The following MOK variants were observed in gnomAD, a reference collection of about 807,000 sequenced individuals.
The protein encoded by MOK is MOK protein kinase.
A neutral mutation model predicts 54.2 loss-of-function variants in MOK; 59 were observed. That is an observed-to-expected ratio of 1.09 (90% CI 0.88 to 1.35). The LOEUF (loss-of-function observed/expected upper bound fraction) is 1.35. Ranked by LOEUF, MOK falls within the 40% of genes most tolerant of loss-of-function variation. The pLI is 0.00. For synonymous variants in MOK, 210 were observed against 202.7 expected (o/e 1.04, Z -0.31); for missense variants, 517 against 526.2 (o/e 0.98, Z 0.17).
chr14:102,247,012 G>C (rs926526235), intron 7 of MOK, among the ~76,000 whole-genome samples: 4 of 151,942 alleles, frequency 2.6e-5, no homozygotes, highest in African/African-American at 9.7e-5. Context: ...CAAAAACTCA[G>C]AGTACTGCAA....
chr14:102,241,802 G>C (rs1374762667), intron 7 of MOK, among the ~76,000 whole-genome samples: 1 of 152,212 alleles, frequency 6.6e-6, no homozygotes, highest in African/African-American at 2.4e-5. Context: ...TCCACTGTGA[G>C]ACAAACCCCA....
At chr14:102,243,403 G>A (rs140455387) in intron 7 of MOK, among the ~76,000 whole-genome samples, 359 of 152,206 alleles carry the variant, frequency 2.4e-3, no homozygotes, top group Admixed American at 4.2e-3. Flanking sequence ...CACAAGAGCC[G>A]GGACCGTGCC....
chr14:102,302,216 G>GCACCTGCCAC (rs2072297545), intron 1 of MOK, among the ~76,000 whole-genome samples: 1 of 150,176 alleles, frequency 6.7e-6, no homozygotes, highest in Admixed American at 6.7e-5. Flanking sequence ...GGGATTACAG[G>GCACCTGCCAC]CACCTGCCAC....
intron 2 of MOK, among the ~76,000 whole-genome samples, chr14:102,276,033 A>G (rs945030102): frequency 1.3e-5 from 2 of 152,210 alleles, no homozygotes; most frequent in Non-Finnish European, 2.9e-5. Context: ...GTACATGATC[A>G]AGTGTTTATC....
chr14:102,242,127 A>G (rs1250563532), intron 7 of MOK, among the ~76,000 whole-genome samples: 6 of 152,286 alleles, frequency 3.9e-5, no homozygotes, highest in African/African-American at 1.4e-4. Context: ...ATTGCCTCGG[A>G]AGCCTCCTGG....
chr14:102,256,871 G>A (rs2067004578), intron 4 of MOK, among the ~76,000 whole-genome samples: 1 of 152,106 alleles, frequency 6.6e-6, no homozygotes, highest in African/African-American at 2.4e-5. Context: ...GATGGCATGA[G>A]CCCAGAGCCA....
At chr14:102,237,404 C>T (rs2065319856) in intron 7 of MOK, among the ~76,000 whole-genome samples, 1 of 152,188 alleles carries the variant, frequency 6.6e-6, no homozygotes, top group Non-Finnish European at 1.5e-5. Context: ...GGGACCCGGG[C>T]TATGACCCCT....
At chr14:102,226,221 C>CGA (rs1304216101), downstream of MOK, 1 of 638,012 alleles carries the variant, frequency 1.6e-6, no homozygotes, top group African/African-American at 1.8e-5. This position sits in a 1 kb window ranked among gnomAD's most constrained non-coding sequence, Gnocchi z 4.8. Flanking sequence ...ACTGGGCTCC[C>CGA]CTGTGCTTCT....
At chr14:102,274,247 G>A (rs1041282887) in intron 2 of MOK, among the ~76,000 whole-genome samples, 8 of 143,648 alleles carry the variant, frequency 5.6e-5, no homozygotes, top group African/African-American at 1.3e-4. Flanking sequence ...GTGAGCCACC[G>A]TACCTGCATT....
downstream of MOK, chr14:102,222,753 T>G: frequency 2.6e-6 from 4 of 1,535,896 alleles, no homozygotes; most frequent in East Asian, 6.7e-5. The surrounding 1 kb of genome is among the most constrained non-coding windows in gnomAD (Gnocchi z 4.4). Context: ...CACGTGGAGC[T>G]GCTGGCGGAG....
Position 102,280,410 on chromosome 14 carries a change from T to C in MOK, c.122+3068A>G, listed in dbSNP as rs1191938788. On this transcript the variant is annotated intron_variant, in intron 2 of 11. Transcript: ENST00000361847. ...TTTTTTCATGGAGGCAGAGTTTCTC[T>C]TTGTTGCCTGGGCTGGTCTCAAACT... 3.3e-5 allele frequency among the ~76,000 whole-genome samples: 5 copies of C among 152,096 alleles called. No homozygotes were observed. In the East Asian group the frequency reaches 9.6e-4, roughly 29 times the overall value.
intron 1 of MOK, among the ~76,000 whole-genome samples, chr14:102,292,202 G>C (rs1053407890): frequency 2.0e-5 from 3 of 151,990 alleles, no homozygotes; most frequent in African/African-American, 7.2e-5. Context: ...GGCCGGGTGC[G>C]GTGGCTCATG....
chr14:102,224,601 G>A (rs1356589442), downstream of MOK: 4 of 455,968 alleles, frequency 8.8e-6, no homozygotes. Context: ...TTACTTTCAG[G>A]CTTTTGAGGG....
intron 1 of MOK, among the ~76,000 whole-genome samples, chr14:102,297,958 C>A (rs1340852308): frequency 1.3e-5 from 2 of 152,224 alleles, no homozygotes; most frequent in Admixed American, 6.5e-5. Context: ...CCCGCCATGC[C>A]TGAGCCTCCC....
chr14:102,215,117 A>G, the MOK span: 3 of 480,966 alleles, frequency 6.2e-6, no homozygotes, highest in Non-Finnish European at 8.1e-6. Context: ...TAATGTTTAT[A>G]GAACAGCCAG....
intron 2 of MOK, among the ~76,000 whole-genome samples, chr14:102,267,643 AGAAGAGCCTGAAAACAGAATAGCCT>A (rs1363979809): frequency 3.3e-5 from 5 of 152,258 alleles, no homozygotes; most frequent in Non-Finnish European, 7.3e-5. Flanking sequence ...CTGATATTTA[AGAAGAGCCTGAAAACAGAATAGCCT>A]GAAGAGCCTA....
chr14:102,263,111 G>C (rs1288786052), intron 4 of MOK, among the ~76,000 whole-genome samples: 2 of 152,250 alleles, frequency 1.3e-5, no homozygotes, highest in Non-Finnish European at 2.9e-5. Context: ...CCTGGAAAAT[G>C]GTAGGAGCTT....
downstream of MOK, chr14:102,226,444 A>G: frequency 1.4e-6 from 1 of 702,742 alleles, no homozygotes; most frequent in South Asian, 1.5e-5. This position sits in a 1 kb window ranked among gnomAD's most constrained non-coding sequence, Gnocchi z 4.8. Context: ...ATTGCATTGC[A>G]CAGAAGAATG....
rs569774032 is a variant in MOK, at chr14:102,242,929, C to T, written c.590+7883G>A. On this transcript the variant is annotated intron_variant, in intron 7 of 11. Transcript: ENST00000361847. ...TCATCCCAGCCACTCTTTGCTTTCA[C>T]TTGGACTGACCCTGACACCCATCAG... 2.8e-4 allele frequency among the ~76,000 whole-genome samples: 43 copies of T among 152,308 alleles called. No homozygotes were observed. The East Asian group carries it at 6.9e-3, about 25-fold the overall frequency.
Sources: allele counts gnomAD v4.1 joint callset (sites outside exome capture counted in the v4.1 genomes callset), GRCh38; gene constraint gnomAD v4.1.1; non-coding constraint Gnocchi (gnomAD v3.1); transcripts MANE v1.5; gene names NCBI Gene and HGNC (gene_info 2026-07-23, HGNC 2026-07-21).